The following CA6 variants were observed in gnomAD, a reference collection of about 807,000 sequenced individuals.
The protein encoded by CA6 is carbonate dehydratase VI.
CA6 carries 28 observed loss-of-function variants against 35.9 expected under a neutral mutation model. The observed-to-expected ratio is 0.78, with a 90% CI of 0.58 to 1.07. CA6 has a LOEUF of 1.07. Ranked by LOEUF, CA6 falls within the 50% of genes least tolerant of loss-of-function variation. The pLI is 0.00. For missense variants in CA6, 377 were observed against 382.0 expected, an observed-to-expected ratio of 0.99 and a Z score of 0.11; for synonymous variants, 148 against 152.6, an observed-to-expected ratio of 0.97 and a Z score of 0.22.
At chr1:8,960,840 A>G (rs1211548312) in intron 4 of CA6, among the ~76,000 whole-genome samples, 1 of 151,358 alleles carries the variant, frequency 6.6e-6, no homozygotes, top group Non-Finnish European at 1.5e-5. Context: ...AAGTGGAAGA[A>G]AAACATGAAA....
intron 1 of CA6, 77 bp downstream of exon 1, chr1:8,946,042 C>CTTT (rs879044243): frequency 2.2e-5 from 15 of 676,106 alleles, no homozygotes; most frequent in Admixed American, 6.1e-5. Context: ...TCTTCTTCTT[C>CTTT]TTTTTTTTTT....
At chr1:8,959,990 G>A (rs1422453234) in intron 4 of CA6, among the ~76,000 whole-genome samples, 1 of 147,018 alleles carries the variant, frequency 6.8e-6, no homozygotes, top group East Asian at 2.0e-4. Context: ...CCAGCACTTT[G>A]GGAGGCTGAG....
chr1:8,950,125 A>G (rs1639487017), intron 2 of CA6, among the ~76,000 whole-genome samples: 1 of 151,258 alleles, frequency 6.6e-6, no homozygotes, highest in African/African-American at 2.5e-5. Flanking sequence ...GATTACAGGC[A>G]TGCACCACCA....
chr1:8,946,725 G>A (rs973252664), intron 1 of CA6, among the ~76,000 whole-genome samples: 1 of 150,842 alleles, frequency 6.6e-6, no homozygotes, highest in Admixed American at 6.6e-5. Flanking sequence ...ATGGTAGGCA[G>A]TTTACCCAGA....
intron 4 of CA6, among the ~76,000 whole-genome samples, chr1:8,959,671 T>C (rs1027950022): frequency 1.3e-5 from 2 of 151,660 alleles, no homozygotes; most frequent in African/African-American, 2.4e-5. Context: ...GTGGCTCACA[T>C]CTGTAATCCT....
rs112972263 is a variant in CA6 at position 8,947,415 on chromosome 1, T to C, written c.79+1450T>C. On this transcript the variant is annotated intron_variant, in intron 1 of 7. Coordinates refer to ENST00000377443, the MANE Select transcript of CA6 (RefSeq NM_001215.4). ...CTTCAGGGTGAACGGGATGATCTGT[T>C]AAGTCAAGGGCAACGGAATTAGGGA... is the stretch of plus-strand genomic sequence containing the variant. 4.8e-3 allele frequency among the ~76,000 whole-genome samples: 731 copies of C among 152,162 alleles called. 9 individuals are homozygous for C. Among genetic ancestry groups the C allele is most frequent in the African/African-American group, 0.017 (698 of 41,470 alleles).
Position 8,957,253 on chromosome 1 carries a change from C to G in CA6, c.376C>G (p.His126Asp). 6.2e-7 allele frequency: 1 copy of G among 1,614,024 alleles called. No homozygotes were observed. Among genetic ancestry groups the G allele is most frequent in the Non-Finnish European group, 8.5e-7 (1 of 1,179,912 alleles). The change falls in exon 3 of 8, where the codon CAC (histidine) becomes GAC (aspartate). Residue 126 changes from histidine to aspartate, a missense_variant. Transcript: ENST00000377443. ...GASSEISGSE[H>D]TVDGIRHVIE... ...GTCCTCGGAGATCAGCGGCTCTGAG[C>G]ACACCGTGGACGGGATCAGACATGT...
intron 1 of CA6, among the ~76,000 whole-genome samples, chr1:8,946,412 C>T (rs963820972): frequency 6.6e-6 from 1 of 152,100 alleles, no homozygotes; most frequent in African/African-American, 2.4e-5. Context: ...ATTGTGGCTT[C>T]AGATGTTACC....
chr1:8,964,309 A>G (rs1156274861), intron 5 of CA6, among the ~76,000 whole-genome samples: 1 of 152,004 alleles, frequency 6.6e-6, no homozygotes, highest in Non-Finnish European at 1.5e-5. Context: ...GTGCAGTGGC[A>G]TGATCTCAGC....
intron 7 of CA6, 92 bp downstream of exon 7, chr1:8,971,073 GGAAGGAGA>G: frequency 2.3e-6 from 2 of 867,904 alleles, no homozygotes; most frequent in South Asian, 2.8e-5. Flanking sequence ...GTGATATAAG[GGAAGGAGA>G]GTCATTTCAG....
At chr1:8,959,184 G>A (rs541980229) in intron 4 of CA6, among the ~76,000 whole-genome samples, 182 bp downstream of exon 4, 120 of 152,234 alleles carry the variant, frequency 7.9e-4, no homozygotes, top group Non-Finnish European at 1.6e-3. Context: ...GTCAATCTCC[G>A]GACCTTGGTT....
At chr1:8,974,520 C>A in intron 7 of CA6, 102 bp from the exon 8 acceptor site, 2 of 1,433,010 alleles carry the variant, frequency 1.4e-6, no homozygotes, top group Non-Finnish European at 9.5e-7. Flanking sequence ...AAAAGACTTC[C>A]CAAAAATACG....
chr1:8,965,184 T>C (rs11121282), intron 5 of CA6, among the ~76,000 whole-genome samples: 22,571 of 151,982 alleles, frequency 0.15, 3,218 homozygotes, highest in African/African-American at 0.37. Context: ...GTGGAGGTTG[T>C]AGTGAGCTGA....
At chr1:8,965,966 A>G (rs1639956575) in intron 5 of CA6, among the ~76,000 whole-genome samples, 1 of 151,856 alleles carries the variant, frequency 6.6e-6, no homozygotes, top group African/African-American at 2.4e-5. Flanking sequence ...ACTGGTGAAC[A>G]TTTTGGTGGC....
chr1:8,957,137 T>C lies in CA6; in HGVS notation c.260T>C (p.Val87Ala). The C allele has an allele frequency of 1.2e-6, 2 of 1,605,808 alleles. No homozygotes were observed. The highest frequency in any genetic ancestry group is 1.7e-6 in the Non-Finnish European group (2 of 1,174,866). The change falls in exon 3 of 8, where the codon GTG (valine) becomes GCG (alanine). Residue 87 changes from valine to alanine, a missense_variant and splice_region_variant. Transcript: ENST00000377443. ...EFPMVNNGHT[V>A]QISLPSTMRM... ...TCTCAGCCCCACCTTGTCTCTCCAG[T>C]GCAGATCAGCCTGCCCTCCACCATG... is the stretch of plus-strand genomic sequence containing the variant.
At chr1:8,960,247 T>C (rs548289263) in intron 4 of CA6, among the ~76,000 whole-genome samples, 1 of 145,054 alleles carries the variant, frequency 6.9e-6, no homozygotes, top group South Asian at 2.2e-4. Flanking sequence ...AAAAAAAAAG[T>C]CGGGCATGCA....
rs562527244 is a variant in CA6 at position 8,974,804 on chromosome 1, A to G, written c.*100A>G. The stretch of plus-strand genomic sequence containing the variant: ...CGCACCCTACCTTGTCTAAGAAACC[A>G]TGTGTGTCTGGAACACGCTGCTCCC... On this transcript the variant is annotated 3_prime_UTR_variant, in exon 8 of 8. Coordinates refer to ENST00000377443, the MANE Select transcript of CA6 (RefSeq NM_001215.4). 8.9e-5 allele frequency: 58 copies of G among 654,122 alleles called. 1 individual carries two copies. The highest frequency in any genetic ancestry group is 5.8e-4 in the African/African-American group (31 of 53,526). The allele number at this position is 654,122 out of a possible 1,614,324, so 40.5% of individuals were successfully genotyped here. A position where few individuals can be genotyped will look rare whatever the true frequency, so the allele number is the denominator to read the frequency against.
intron 2 of CA6, among the ~76,000 whole-genome samples, chr1:8,949,861 A>T (rs918987134): frequency 6.6e-6 from 1 of 152,104 alleles, no homozygotes; most frequent in Non-Finnish European, 1.5e-5. Flanking sequence ...AGGGTTTCTC[A>T]GAGTTTTAAG....
chr1:8,972,298 CCCTCAG>C (rs953913929), intron 7 of CA6, among the ~76,000 whole-genome samples: 1 of 151,990 alleles, frequency 6.6e-6, no homozygotes, highest in Non-Finnish European at 1.5e-5. Flanking sequence ...CAATCCTCCC[CCCTCAG>C]CCTCCCAAAG....
Sources: allele counts gnomAD v4.1 joint callset (sites outside exome capture counted in the v4.1 genomes callset), GRCh38; gene constraint gnomAD v4.1.1; transcripts MANE v1.5; gene names NCBI Gene and HGNC (gene_info 2026-07-23, HGNC 2026-07-21).